Variants in ADARB2 observed in about 807,000 individuals in gnomAD.
ADARB2 encodes adenosine deaminase RNA specific B2 (inactive).
In ADARB2, 25 loss-of-function variants were observed where a neutral mutation model predicts 62.2. The observed-to-expected ratio is 0.40, with a 90% CI of 0.29 to 0.56. ADARB2 has a LOEUF of 0.56. Ranked by LOEUF, ADARB2 falls within the 20% of genes least tolerant of loss-of-function variation. The probability of loss-of-function intolerance (pLI) is 0.43; values close to 1 mark genes in which losing one functional copy is unlikely to be tolerated. For missense variants in ADARB2, 1,071 were observed against 1,077.4 expected (o/e 0.99, Z 0.08); for synonymous variants, 572 against 500.8 (o/e 1.14, Z -1.90).
intron 1 of ADARB2, among the ~76,000 whole-genome samples, chr10:1,415,284 T>G (rs898649917): frequency 2.7e-5 from 4 of 150,684 alleles, no homozygotes; most frequent in African/African-American, 7.4e-5. Context: ...GATGGCTGGG[T>G]GGGTATATGA....
chr10:1,544,404 G>C (rs1832487762), intron 1 of ADARB2, among the ~76,000 whole-genome samples: 1 of 152,228 alleles, frequency 6.6e-6, no homozygotes, highest in African/African-American at 2.4e-5. Flanking sequence ...CTTGGCCCAG[G>C]GCAGGCTTCT....
chr10:1,311,796 C>T (rs1203471155), intron 3 of ADARB2, among the ~76,000 whole-genome samples: 2 of 152,188 alleles, frequency 1.3e-5, no homozygotes, highest in Non-Finnish European at 2.9e-5. Context: ...CCATCTCCGC[C>T]CTATGATGAT....
chr10:1,382,257 T>C (rs1371022660), intron 1 of ADARB2, among the ~76,000 whole-genome samples: 1 of 152,224 alleles, frequency 6.6e-6, no homozygotes, highest in Non-Finnish European at 1.5e-5. Context: ...ACGAGTGCAG[T>C]GGACTTCAGA....
chr10:1,574,710 T>G (rs1041201726), intron 1 of ADARB2, among the ~76,000 whole-genome samples: 2 of 151,962 alleles, frequency 1.3e-5, no homozygotes, highest in African/African-American at 2.4e-5. Flanking sequence ...GGGTCCACCC[T>G]AAAGACCTCA....
intron 4 of ADARB2, among the ~76,000 whole-genome samples, chr10:1,266,091 G>A (rs1831196491): frequency 6.7e-6 from 1 of 150,246 alleles, no homozygotes; most frequent in African/African-American, 2.5e-5. Flanking sequence ...CTGAGAGGGG[G>A]CCCAGGCTCT....
intron 4 of ADARB2, among the ~76,000 whole-genome samples, chr10:1,260,834 C>T (rs370275092): frequency 0.023 from 3,374 of 146,062 alleles, 40 homozygotes; most frequent in African/African-American, 0.039. Flanking sequence ...AAAAAGAGCC[C>T]GCATCACCAA....
intron 2 of ADARB2, among the ~76,000 whole-genome samples, chr10:1,366,271 TTGA>T (rs1832312922): frequency 6.6e-6 from 1 of 152,274 alleles, no homozygotes; most frequent in African/African-American, 2.4e-5. Context: ...ATGAATGCAT[TTGA>T]TGATGATTTA....
At chr10:1,557,297 A>G (rs1832720503) in intron 1 of ADARB2, among the ~76,000 whole-genome samples, 1 of 151,874 alleles carries the variant, frequency 6.6e-6, no homozygotes, top group African/African-American at 2.4e-5. Flanking sequence ...CTCCTCTGTC[A>G]AGTGCACCTG....
chr10:1,228,644 C>T (rs551516502), intron 6 of ADARB2, among the ~76,000 whole-genome samples: 2 of 152,364 alleles, frequency 1.3e-5, no homozygotes, highest in African/African-American at 4.8e-5. Context: ...TTTTGAGTCG[C>T]TTGAGATGAA....
At chr10:1,404,500 C>T (rs1308473479) in intron 1 of ADARB2, among the ~76,000 whole-genome samples, 1 of 152,228 alleles carries the variant, frequency 6.6e-6, no homozygotes, top group African/African-American at 2.4e-5. Context: ...GGGCTCCACT[C>T]CTCCCGCCTG....
chr10:1,369,711 T>G (rs577339598), intron 2 of ADARB2, among the ~76,000 whole-genome samples: 2,034 of 152,234 alleles, frequency 0.013, 50 homozygotes, highest in African/African-American at 0.047. Context: ...AGCCCACCAA[T>G]GGCAGCTCTG....
intron 3 of ADARB2, among the ~76,000 whole-genome samples, chr10:1,302,651 G>A (rs948095866): frequency 1.3e-5 from 2 of 152,246 alleles, no homozygotes; most frequent in African/African-American, 4.8e-5. Flanking sequence ...GAAGAGAGCA[G>A]GGGTTCTCCC....
At chr10:1,336,433 T>G (rs1433848217) in intron 3 of ADARB2, among the ~76,000 whole-genome samples, 1 of 152,200 alleles carries the variant, frequency 6.6e-6, no homozygotes, top group African/African-American at 2.4e-5. Context: ...CATCTCTGTA[T>G]CTCTCAACAC....
intron 2 of ADARB2, among the ~76,000 whole-genome samples, chr10:1,365,874 A>G (rs1832309552): frequency 6.6e-6 from 1 of 152,256 alleles, no homozygotes; most frequent in African/African-American, 2.4e-5. Flanking sequence ...CTATGGTTAG[A>G]GGAATGATGA....
At chr10:1,393,655 A>G (rs942666750) in intron 1 of ADARB2, among the ~76,000 whole-genome samples, 1 of 152,144 alleles carries the variant, frequency 6.6e-6, no homozygotes, top group Non-Finnish European at 1.5e-5. Context: ...CACAGTCTCA[A>G]AGACCACCCA....
At chr10:1,536,559 C>T (rs531047225) in intron 1 of ADARB2, among the ~76,000 whole-genome samples, 69 of 152,308 alleles carry the variant, frequency 4.5e-4, no homozygotes, top group Admixed American at 2.3e-3. Context: ...CATCTGGCAC[C>T]GGACGGTGGC....
At chr10:1,387,955 A>G (rs1354937572) in intron 1 of ADARB2, among the ~76,000 whole-genome samples, 1 of 152,104 alleles carries the variant, frequency 6.6e-6, no homozygotes, top group Non-Finnish European at 1.5e-5. Flanking sequence ...AAATCAATCA[A>G]TGTAATTCAC....
At chr10:1,387,344 T>G (rs1031282254) in intron 1 of ADARB2, among the ~76,000 whole-genome samples, 1 of 151,940 alleles carries the variant, frequency 6.6e-6, no homozygotes, top group Admixed American at 6.6e-5. Flanking sequence ...TTGAATAGGT[T>G]TGATAAATCT....
chr10:1,483,827 C>T (rs1243649736), intron 1 of ADARB2, among the ~76,000 whole-genome samples: 1 of 141,790 alleles, frequency 7.1e-6, no homozygotes, highest in Admixed American at 6.9e-5. Flanking sequence ...AAAGTATTTA[C>T]GAATCAACAG....
Sources: gnomAD v4.1 joint callset for allele counts (sites outside exome capture counted in the v4.1 genomes callset) on GRCh38, gnomAD v4.1.1 for gene constraint, MANE v1.5 for transcripts, NCBI Gene and HGNC (gene_info 2026-07-23, HGNC 2026-07-21) for gene names.